CSAD: variants seen among roughly 807,000 people sequenced by gnomAD.
CSAD encodes P-selectin cytoplasmic tail-associated protein.
In CSAD, 47 loss-of-function variants were observed where a neutral mutation model predicts 61.5. The observed-to-expected ratio is 0.76, with a 90% CI of 0.60 to 0.97. The LOEUF (loss-of-function observed/expected upper bound fraction) is 0.97, where lower values mean the gene tolerates loss of function less well. CSAD is among the 50% of genes least tolerant of loss of function. The pLI is 0.00. For synonymous variants in CSAD, 245 were observed against 252.7 expected (o/e 0.97, Z 0.29); for missense variants, 611 against 643.6 (o/e 0.95, Z 0.55).
chr12:53,179,266 G>A (rs1941365061), intron 1 of CSAD, 124 bp from the exon 2 acceptor site: 2 of 155,318 alleles, frequency 1.3e-5, no homozygotes, highest in Admixed American at 1.3e-4. Flanking sequence ...CTGGAATACT[G>A]TGCAACAGTT....
At chr12:53,166,659 G>C (rs138864062) in intron 10 of CSAD, among the ~76,000 whole-genome samples, 70 of 152,078 alleles carry the variant, frequency 4.6e-4, no homozygotes, top group African/African-American at 1.7e-3. Context: ...GCCAGGTTTG[G>C]TGGCGAGGGG....
intron 16 of CSAD, among the ~76,000 whole-genome samples, chr12:53,159,096 T>C (rs533971897): frequency 6.6e-6 from 1 of 152,324 alleles, no homozygotes; most frequent in Admixed American, 6.5e-5. Flanking sequence ...TAGCAAGTAA[T>C]TTACAACACT....
rs995408147 is a variant in CSAD, at chr12:53,170,201, G to A, written c.648-75C>T. The A allele has an allele frequency of 1.7e-5, 24 of 1,371,942 alleles. No homozygotes were observed. In the Middle Eastern group the frequency reaches 5.3e-4, roughly 30 times the overall value. The allele number at this position is 1,371,942 out of a possible 1,614,324, so 85.0% of individuals were successfully genotyped here. On this transcript the variant is annotated intron_variant, in intron 9 of 16. Coordinates refer to ENST00000444623, the MANE Select transcript of CSAD (RefSeq NM_001244705.2). ...GGCAGGGTAAGGTGGGGTTAGCAAT[G>A]CAGAGACAACAGTGCTAGTTTTTCC...
chr12:53,168,178 C>T (rs1302831774), intron 10 of CSAD, among the ~76,000 whole-genome samples: 1 of 152,196 alleles, frequency 6.6e-6, no homozygotes, highest in Non-Finnish European at 1.5e-5. Flanking sequence ...TCTATACAGA[C>T]ACTAAGTAGA....
intron 7 of CSAD, 194 bp from the exon 8 acceptor site, chr12:53,171,635 T>A: frequency 4.7e-6 from 3 of 637,592 alleles, no homozygotes; most frequent in Non-Finnish European, 8.1e-6. Flanking sequence ...CCTCTCCACA[T>A]CTGGGGCTGC....
intron 12 of CSAD, 127 bp downstream of exon 12, chr12:53,161,000 C>A: frequency 8.6e-7 from 1 of 1,161,052 alleles, no homozygotes; most frequent in Non-Finnish European, 1.3e-6. Flanking sequence ...CAGCTCCAAT[C>A]AATCCTCTCT....
chr12:53,159,417 TCTC>T (rs1407882421), intron 16 of CSAD, among the ~76,000 whole-genome samples: 1 of 152,148 alleles, frequency 6.6e-6, no homozygotes, highest in Non-Finnish European at 1.5e-5. Context: ...TTCTCTGACT[TCTC>T]CTGTAACACA....
chr12:53,180,478 G>A, intron 1 of CSAD: 3 of 1,214,598 alleles, frequency 2.5e-6, no homozygotes, highest in South Asian at 2.9e-5. Context: ...CAGTCTCGAT[G>A]GCGGCCGGGG....
At chr12:53,167,310 C>G (rs1265453151) in intron 10 of CSAD, among the ~76,000 whole-genome samples, 2 of 152,196 alleles carry the variant, frequency 1.3e-5, no homozygotes, top group Non-Finnish European at 2.9e-5. Flanking sequence ...TGCACATACA[C>G]AGAATCTTCT....
At chr12:53,168,379 G>A (rs1019810402) in intron 10 of CSAD, among the ~76,000 whole-genome samples, 2 of 152,112 alleles carry the variant, frequency 1.3e-5, no homozygotes, top group African/African-American at 4.8e-5. Context: ...TGAATTATAT[G>A]TTATGTGAAT....
intron 16 of CSAD, 35 bp downstream of exon 16, chr12:53,159,588 C>A (rs908716575): frequency 2.5e-6 from 4 of 1,572,086 alleles, no homozygotes; most frequent in Non-Finnish European, 3.5e-6. Flanking sequence ...GCATCAGCTC[C>A]CTAACGGGTA....
At chr12:53,178,222 T>C (rs1941251638) in intron 2 of CSAD, 1 of 362,128 alleles carries the variant, frequency 2.8e-6, no homozygotes, top group South Asian at 2.1e-5. Context: ...CCTGTAATCC[T>C]AGCACTCTAG....
chr12:53,161,829 G>A (rs1413675084), intron 10 of CSAD, among the ~76,000 whole-genome samples: 1 of 151,790 alleles, frequency 6.6e-6, no homozygotes, highest in Non-Finnish European at 1.5e-5. Context: ...AGTGTAGTGG[G>A]CATGCCTGTA....
chr12:53,171,108 T>C (rs1453134739), intron 8 of CSAD: 1 of 697,488 alleles, frequency 1.4e-6, no homozygotes, highest in Non-Finnish European at 2.6e-6. Context: ...ATGGACTGTG[T>C]CCACTGCACT....
intron 4 of CSAD, 175 bp downstream of exon 4, chr12:53,173,170 T>G (rs1940786905): frequency 8.2e-6 from 5 of 609,926 alleles, no homozygotes; most frequent in Non-Finnish European, 1.4e-5. Flanking sequence ...ATTGTGCCAC[T>G]GCACTCCAGC....
intron 10 of CSAD, among the ~76,000 whole-genome samples, chr12:53,169,564 G>A (rs1940316198): frequency 6.6e-6 from 1 of 151,654 alleles, no homozygotes; most frequent in African/African-American, 2.4e-5. Context: ...TCCAGCCTGG[G>A]TGACTGAGTG....
intron 10 of CSAD, among the ~76,000 whole-genome samples, chr12:53,163,042 C>CT (rs1055463289): frequency 6.2e-5 from 9 of 144,946 alleles, no homozygotes; most frequent in Non-Finnish European, 1.4e-4. Context: ...GCCTGGGCAA[C>CT]AAGAGCAAAA....
At chr12:53,175,432 G>A (rs1270970656) in intron 2 of CSAD, among the ~76,000 whole-genome samples, 1 of 152,140 alleles carries the variant, frequency 6.6e-6, no homozygotes, top group African/African-American at 2.4e-5. Context: ...TGGTTAGAAA[G>A]CTAAAGTACT....
chr12:53,175,476 C>T (rs1941034367), intron 2 of CSAD, among the ~76,000 whole-genome samples: 1 of 152,150 alleles, frequency 6.6e-6, no homozygotes, highest in Non-Finnish European at 1.5e-5. Context: ...ACCCTAGTGG[C>T]TCCACACCCA....
Sources: gnomAD v4.1 joint callset for allele counts (sites outside exome capture counted in the v4.1 genomes callset) on GRCh38, gnomAD v4.1.1 for gene constraint, MANE v1.5 for transcripts, NCBI Gene and HGNC (gene_info 2026-07-23, HGNC 2026-07-21) for gene names.